The following DHRSX variants were observed in gnomAD, a reference collection of about 807,000 sequenced individuals.
DHRSX encodes the protein polyprenol dehydrogenase.
Under a neutral mutation model 34.0 loss-of-function variants are expected in DHRSX, and 31 were observed. The ratio of observed to expected loss-of-function variants is 0.91; its 90% confidence interval spans 0.69 to 1.23. The LOEUF is 1.23. DHRSX is among the 50% of genes most tolerant of loss of function. The pLI is 0.00. For missense variants in DHRSX, 414 were observed against 428.1 expected (o/e 0.97, Z 0.29); for synonymous variants, 201 against 183.8 (o/e 1.09, Z -0.76).
At chrX:2,293,570 G>A (rs1268350018) in intron 3 of DHRSX, among the ~76,000 whole-genome samples, 2 of 152,116 alleles carry the variant, frequency 1.3e-5, no homozygotes, top group Admixed American at 6.6e-5. Context: ...AATGGTGTGA[G>A]GTGGAAGAGC....
At chrX:2,383,484 GTCA>G (rs1207487335) in intron 3 of DHRSX, among the ~76,000 whole-genome samples, 2 of 151,278 alleles carry the variant, frequency 1.3e-5, no homozygotes, top group Non-Finnish European at 2.9e-5. Context: ...CATTACCACT[GTCA>G]TCATCATTGC....
intron 1 of DHRSX, among the ~76,000 whole-genome samples, chrX:2,458,366 A>G (rs2044341668): frequency 6.6e-6 from 1 of 152,148 alleles, no homozygotes; most frequent in Non-Finnish European, 1.5e-5. Context: ...TCTGCCCATC[A>G]ATGGCATACC....
intron 5 of DHRSX, among the ~76,000 whole-genome samples, chrX:2,247,080 C>T (rs1039651752): frequency 1.3e-5 from 2 of 152,056 alleles, no homozygotes; most frequent in Non-Finnish European, 2.9e-5. Context: ...TCCTGAGTAG[C>T]TGGGATTACA....
At position 2,490,077 on chromosome X, in the gene DHRSX, C is replaced by T. The variant is rs764808495; in HGVS notation, c.109+10740G>A. The T allele has an allele frequency of 3.5e-5, 56 of 1,613,568 alleles. No individual in the cohort carries two copies. The East Asian group carries it at 5.6e-4, about 16-fold the overall frequency. The stretch of plus-strand genomic sequence containing the variant: ...GGGGCGCCCAGGCCCAGGAAGTGGG[C>T]GGCCAGCGTGACGTAGGCGCGGTTC... On this transcript the variant is annotated intron_variant, in intron 1 of 6. Coordinates refer to ENST00000334651, the MANE Select transcript of DHRSX (RefSeq NM_145177.3).
At chrX:2,495,333 A>G (rs1457455501) in intron 1 of DHRSX, among the ~76,000 whole-genome samples, 5 of 151,754 alleles carry the variant, frequency 3.3e-5, no homozygotes, top group African/African-American at 4.8e-5. Context: ...CCCCAGTACC[A>G]TGAACAAAGG....
chrX:2,397,623 C>T (rs1300246628), intron 3 of DHRSX, among the ~76,000 whole-genome samples: 2 of 126,822 alleles, frequency 1.6e-5, no homozygotes, highest in East Asian at 2.3e-4. Context: ...TAACTCCCTC[C>T]ACTGACAGAG....
chrX:2,453,822 A>C (rs1439134224), intron 1 of DHRSX, among the ~76,000 whole-genome samples: 2 of 152,196 alleles, frequency 1.3e-5, no homozygotes, highest in Non-Finnish European at 2.9e-5. Context: ...CCACAAAAAA[A>C]ACTAGGTGAG....
chrX:2,466,035 C>A, intron 1 of DHRSX, among the ~76,000 whole-genome samples: 1 of 152,300 alleles, frequency 6.6e-6, no homozygotes, highest in Middle Eastern at 3.4e-3. Context: ...ATTGTTACAT[C>A]CATTCCTGAA....
At chrX:2,422,795 AT>A (rs1173530485) in intron 2 of DHRSX, among the ~76,000 whole-genome samples, 1 of 149,370 alleles carries the variant, frequency 6.7e-6, no homozygotes, top group Non-Finnish European at 1.5e-5. Flanking sequence ...CATTTTGTTT[AT>A]TTTTTTGAGA....
rs779558142 is a variant in DHRSX at position 2,399,725 on chromosome X, C to CAA, written c.286+9018_286+9019dup. On this transcript the variant is annotated intron_variant, in intron 3 of 6. Coordinates refer to ENST00000334651, the MANE Select transcript of DHRSX (RefSeq NM_145177.3). ...CGTCTCAAAACAAACAAACAAAAAG[C>CAA]AAAAAAAAAAAAAAAAACAAAAAAA... Among the ~76,000 whole-genome samples, 259 of 35,102 alleles carry CAA rather than the reference C, an allele frequency of 7.4e-3. 11 individuals carry two copies. The highest frequency in any genetic ancestry group is 0.028 in the Middle Eastern group (1 of 36). 23.0% of individuals were successfully genotyped at this position (35,102 alleles called of 152,430 possible). A position where few individuals can be genotyped will look rare whatever the true frequency, so the allele number is the denominator to read the frequency against.
At chrX:2,253,846 G>A (rs1366608963) in intron 5 of DHRSX, among the ~76,000 whole-genome samples, 1 of 152,160 alleles carries the variant, frequency 6.6e-6, no homozygotes, top group Non-Finnish European at 1.5e-5. Flanking sequence ...GGATCACGAG[G>A]TCAGAATATC....
intron 3 of DHRSX, among the ~76,000 whole-genome samples, chrX:2,349,218 T>G (rs2042756380): frequency 6.6e-6 from 1 of 152,098 alleles, no homozygotes; most frequent in South Asian, 2.1e-4. Flanking sequence ...GGCAGCAGTA[T>G]TCACAATCAC....
chrX:2,271,833 G>C (rs2041559700), intron 4 of DHRSX, among the ~76,000 whole-genome samples: 1 of 152,254 alleles, frequency 6.6e-6, no homozygotes, highest in East Asian at 1.9e-4. Context: ...GTTCAGGTCA[G>C]GAGTTCGAGA....
intron 3 of DHRSX, among the ~76,000 whole-genome samples, chrX:2,376,733 C>T (rs1385418432): frequency 1.3e-5 from 2 of 151,354 alleles, no homozygotes; most frequent in African/African-American, 4.8e-5. Flanking sequence ...TAGTGGCTCA[C>T]GCCTGTCATC....
intron 4 of DHRSX, among the ~76,000 whole-genome samples, chrX:2,271,615 A>G (rs1403950081): frequency 1.3e-5 from 2 of 152,182 alleles, no homozygotes; most frequent in African/African-American, 2.4e-5. Context: ...GAGGGATCCA[A>G]TATCAATCAG....
intron 2 of DHRSX, among the ~76,000 whole-genome samples, chrX:2,422,916 C>T (rs1419889782): frequency 2.6e-5 from 4 of 152,016 alleles, no homozygotes; most frequent in Admixed American, 2.0e-4. Flanking sequence ...TCCCGAGTAG[C>T]TGGGACTACA....
chrX:2,387,695 G>C (rs192627887), intron 3 of DHRSX, among the ~76,000 whole-genome samples: 1 of 151,968 alleles, frequency 6.6e-6, no homozygotes, highest in African/African-American at 2.4e-5. Flanking sequence ...ACACACCCAG[G>C]ATCAATACTT....
At chrX:2,283,462 G>A (rs1285874685) in intron 4 of DHRSX, among the ~76,000 whole-genome samples, 1 of 152,054 alleles carries the variant, frequency 6.6e-6, no homozygotes, top group Non-Finnish European at 1.5e-5. Flanking sequence ...GAATGCATGC[G>A]CCGCGATGCA....
intron 3 of DHRSX, among the ~76,000 whole-genome samples, chrX:2,352,993 A>C (rs759286308): frequency 6.6e-6 from 1 of 152,258 alleles, no homozygotes; most frequent in East Asian, 1.9e-4. Flanking sequence ...GTAGTCCCAG[A>C]ACTTTGGGAA....
Sources: gnomAD v4.1 joint callset for allele counts (sites outside exome capture counted in the v4.1 genomes callset) on GRCh38, gnomAD v4.1.1 for gene constraint, MANE v1.5 for transcripts, NCBI Gene and HGNC (gene_info 2026-07-23, HGNC 2026-07-21) for gene names.